ATP6V0A1: variants seen among roughly 807,000 people sequenced by gnomAD.
ATP6V0A1 encodes the protein ATPase H+ transporting V0 subunit a1.
Under a neutral mutation model 105.4 loss-of-function variants are expected in ATP6V0A1, and 43 were observed. The ratio of observed to expected loss-of-function variants is 0.41; its 90% confidence interval spans 0.32 to 0.53. The LOEUF is 0.53. ATP6V0A1 is among the 20% of genes least tolerant of loss of function. The pLI, the probability that ATP6V0A1 is intolerant of heterozygous loss-of-function variation, is 0.30. For missense variants in ATP6V0A1, 676 were observed against 1,051.1 expected (o/e 0.64, Z 4.93); for synonymous variants, 362 against 372.8 (o/e 0.97, Z 0.33).
intron 11 of ATP6V0A1, among the ~76,000 whole-genome samples, chr17:42,493,542 T>A (rs771486859): frequency 2.6e-5 from 4 of 152,300 alleles, no homozygotes; most frequent in Non-Finnish European, 5.9e-5. Flanking sequence ...ATGCCTGTAA[T>A]CTCGGATATT....
chr17:42,495,701 T>G lies in ATP6V0A1; in HGVS notation c.1545T>G (p.Pro515=), dbSNP rs2091091808. Residue 515 remains proline (P), a synonymous_variant, in exon 14 of 22, where the codon CCT becomes CCG. Coordinates refer to ENST00000343619, the MANE Select transcript of ATP6V0A1 (RefSeq NM_001130021.3). ...ALPGVFGGPY[P]FGIDPIWNIA... is the part of the protein sequence containing the mutation. Reference sequence around the variant, plus strand: ...CTGGAGTGTTTGGTGGACCATACCCTTTTGGCATTGATCCAGTAAGAGGAC... The same window carrying G: ...CTGGAGTGTTTGGTGGACCATACCCGTTTGGCATTGATCCAGTAAGAGGAC... 1.9e-6 allele frequency: 3 copies of G among 1,613,324 alleles called. No homozygotes were observed. In the African/African-American group the frequency reaches 4.0e-5, roughly 22 times the overall value.
chr17:42,481,249 G>A (rs1260550329), intron 8 of ATP6V0A1: 1 of 146,674 alleles, frequency 6.8e-6, no homozygotes, highest in Non-Finnish European at 1.5e-5. Flanking sequence ...TTCTGACCGA[G>A]TCTCCCTCCA....
rs1358501808 is a variant in ATP6V0A1, at chr17:42,521,561, C to T, written c.*441C>T. ...AGTGGGGGGAGTAATACAGATTCTT[C>T]CCTAGAAGGGGACACTGGTAACATG... On this transcript the variant is annotated 3_prime_UTR_variant, in exon 22 of 22. Transcript: ENST00000343619. The surrounding 1 kb of genome is among the most constrained non-coding windows in gnomAD (Gnocchi z 4.8). 1 of 153,050 alleles carries T rather than the reference C, an allele frequency of 6.5e-6. No homozygotes were observed. Among genetic ancestry groups the T allele is most frequent in the South Asian group, 2.1e-4 (1 of 4,856 alleles). The allele number at this position is 153,050 out of a possible 1,614,324, so 9.5% of individuals were successfully genotyped here.
intron 2 of ATP6V0A1, among the ~76,000 whole-genome samples, chr17:42,464,390 G>A (rs1197221640): frequency 6.6e-6 from 1 of 151,842 alleles, no homozygotes; most frequent in African/African-American, 2.4e-5. Context: ...ATATGTATGT[G>A]TGTGTTTGTA....
chr17:42,515,677 A>T (rs967173386), intron 21 of ATP6V0A1, among the ~76,000 whole-genome samples: 1 of 151,800 alleles, frequency 6.6e-6, no homozygotes, highest in African/African-American at 2.4e-5. Flanking sequence ...AATCTCAGCT[A>T]CTTGGGAGGC....
chr17:42,473,046 A>G (rs781645676), intron 5 of ATP6V0A1, among the ~76,000 whole-genome samples: 2 of 152,198 alleles, frequency 1.3e-5, no homozygotes, highest in Admixed American at 6.6e-5. Flanking sequence ...AAGCCATTTA[A>G]TTAAAAGGAT....
chr17:42,498,138 T>C (rs962779363), intron 14 of ATP6V0A1, among the ~76,000 whole-genome samples: 2 of 151,864 alleles, frequency 1.3e-5, no homozygotes, highest in Admixed American at 1.3e-4. Context: ...TAATCCCAGC[T>C]ACCTGGGAGG....
intron 5 of ATP6V0A1, among the ~76,000 whole-genome samples, chr17:42,472,621 G>A (rs2088136834): frequency 1.3e-5 from 2 of 151,976 alleles, no homozygotes; most frequent in South Asian, 4.2e-4. Flanking sequence ...CTATTCATGA[G>A]GCTGAGGCAG....
At chr17:42,459,210 G>A (rs934015176) in intron 1 of ATP6V0A1, 3 of 152,294 alleles carry the variant, frequency 2.0e-5, no homozygotes, top group Non-Finnish European at 4.4e-5. Context: ...GAGGTTATTG[G>A]ATAGGCAGAA....
At position 42,514,291 on chromosome 17, in the gene ATP6V0A1, C is replaced by T. The variant is rs1332723660; in HGVS notation, c.2251C>T (p.Leu751=). 2 of 1,584,712 alleles carry T rather than the reference C, an allele frequency of 1.3e-6. No homozygotes were observed. Among genetic ancestry groups the T allele is most frequent in the Non-Finnish European group, 1.7e-6 (2 of 1,165,678 alleles). The change falls in exon 21 of 22, where the codon CTG becomes TTG. Residue 751 remains leucine (L), a splice_region_variant and synonymous_variant. Transcript: ENST00000343619. ...ATTTTGTGTCTCCCATTCCCCAGAG[C>T]TGTCTGAGGTGCTTTGGACCATGGT... The part of the protein sequence containing the change: ...LWALSLAHAQ[L]SEVLWTMVIH...
intron 10 of ATP6V0A1, among the ~76,000 whole-genome samples, chr17:42,490,076 G>C (rs1378182215): frequency 6.6e-6 from 1 of 152,170 alleles, no homozygotes; most frequent in Non-Finnish European, 1.5e-5. Context: ...AAGGGATCAG[G>C]AAGTTAAGAG....
chr17:42,465,594 T>G (rs1032870805), intron 2 of ATP6V0A1, among the ~76,000 whole-genome samples: 2 of 151,872 alleles, frequency 1.3e-5, no homozygotes, highest in Non-Finnish European at 2.9e-5. Flanking sequence ...CCGGCCAGAT[T>G]GCTAGCTTTT....
At chr17:42,477,844 C>T (rs1415397916) in intron 6 of ATP6V0A1, 102 bp downstream of exon 6, 3 of 960,406 alleles carry the variant, frequency 3.1e-6, no homozygotes, top group Non-Finnish European at 4.8e-6. Context: ...CAGGATATGC[C>T]CTCTTCTGAG....
intron 3 of ATP6V0A1, among the ~76,000 whole-genome samples, chr17:42,466,929 C>T (rs2087146592): frequency 1.3e-5 from 2 of 152,012 alleles, no homozygotes; most frequent in African/African-American, 4.8e-5. Context: ...GGGTGGATCA[C>T]GAGGTCAGGA....
chr17:42,485,901 A>G (rs554409917), intron 9 of ATP6V0A1, among the ~76,000 whole-genome samples: 1 of 152,190 alleles, frequency 6.6e-6, no homozygotes, highest in African/African-American at 2.4e-5. Flanking sequence ...TCTTCAAGTG[A>G]TGTGTTTCCT....
Position 42,466,532 on chromosome 17 carries a change from A to G in ATP6V0A1, c.196+25A>G, listed in dbSNP as rs112416627. ...CGTATGTGCACTTTGGTCTTGTGTAATGTTCCTTTAATGAATCATTTGTCT... is the reference window on the plus strand; with the variant it reads ...CGTATGTGCACTTTGGTCTTGTGTAGTGTTCCTTTAATGAATCATTTGTCT... On this transcript the variant is annotated intron_variant, in intron 3 of 21. Coordinates refer to ENST00000343619, the MANE Select transcript of ATP6V0A1 (RefSeq NM_001130021.3). 1,361 of 1,576,320 alleles carry G rather than the reference A, an allele frequency of 8.6e-4. 3 individuals are homozygous for G. The highest frequency in any genetic ancestry group is 1.1e-3 in the Non-Finnish European group (1,262 of 1,146,502).
In ATP6V0A1 at chr17:42,487,213, TC is replaced by T; in HGVS notation, c.871del (p.Arg291ValfsTer10). Reference sequence around the variant, plus strand: ...GTTCTGCAGGCAGCTGCTAAGAACATCCGTGTCTGGTTCATCAAAGTGCGGA... The same window carrying T: ...GTTCTGCAGGCAGCTGCTAAGAACATCGTGTCTGGTTCATCAAAGTGCGGA... Reference protein sequence around the residue: ...QRVLQAAAKNIRVWFIKVRKM... With the variant: ...QRVLQAAAKNXRVWFIKVRKM... On this transcript the variant is annotated frameshift_variant, in exon 10 of 22. Coordinates refer to ENST00000343619, the MANE Select transcript of ATP6V0A1 (RefSeq NM_001130021.3). LOFTEE classifies it high-confidence loss of function. The T allele has an allele frequency of 6.2e-7, 1 of 1,614,156 alleles. No homozygotes were observed. Among genetic ancestry groups the T allele is most frequent in the Non-Finnish European group, 8.5e-7 (1 of 1,180,028 alleles).
chr17:42,511,167 T>A (rs2092328254), intron 19 of ATP6V0A1: 1 of 152,198 alleles, frequency 6.6e-6, no homozygotes, highest in Non-Finnish European at 1.5e-5. Flanking sequence ...GGGCGACCCT[T>A]GAAGCCCTGA....
chr17:42,478,368 G>GATAT, intron 6 of ATP6V0A1, 95 bp from the exon 7 acceptor site: 1 of 856,812 alleles, frequency 1.2e-6, no homozygotes. Context: ...AATAAAAAAA[G>GATAT]ATATATATAT....
Sources: gnomAD v4.1 joint callset for allele counts (sites outside exome capture counted in the v4.1 genomes callset) on GRCh38, gnomAD v4.1.1 for gene constraint, Gnocchi (gnomAD v3.1) non-coding constraint, MANE v1.5 for transcripts, NCBI Gene and HGNC (gene_info 2026-07-23, HGNC 2026-07-21) for gene names.